The following KIF5C variants were observed in gnomAD, a reference collection of about 807,000 sequenced individuals.
The protein encoded by KIF5C is kinesin family member 5C.
Under a neutral mutation model 125.2 loss-of-function variants are expected in KIF5C, and 18 were observed. The observed-to-expected ratio is 0.14, with a 90% CI of 0.10 to 0.21. The LOEUF is 0.21. Ranked by LOEUF, KIF5C falls within the 10% of genes least tolerant of loss-of-function variation. The pLI, the probability that KIF5C is intolerant of heterozygous loss-of-function variation, is 1.00. For missense variants in KIF5C, 780 were observed against 1,183.8 expected, an observed-to-expected ratio of 0.66 and a Z score of 5.01; for synonymous variants, 405 against 434.0, an observed-to-expected ratio of 0.93 and a Z score of 0.83.
In KIF5C at chr2:149,007,980, C is replaced by T. The variant is rs779885153; in HGVS notation, c.2463C>T (p.Asn821=). 30 of 1,607,830 alleles carry T rather than the reference C, an allele frequency of 1.9e-5. No individual in the cohort carries two copies. Among genetic ancestry groups the T allele is most frequent in the Middle Eastern group, 1.7e-4 (1 of 6,034 alleles). Residue 821 remains asparagine, a synonymous_variant, in exon 23 of 26, where the codon AAC becomes AAT. Transcript: ENST00000435030. The part of the protein sequence containing the change: ...TRVKKSVELD[N]DDGGGSAAQK... Reference sequence around the variant, plus strand: ...CAATGCAGAGTGTGGAGTTGGACAACGATGATGGAGGGGGCAGTGCTGCCC... The same window carrying T: ...CAATGCAGAGTGTGGAGTTGGACAATGATGATGGAGGGGGCAGTGCTGCCC...
At chr2:148,927,911 T>A (rs1039423092) in intron 2 of KIF5C, among the ~76,000 whole-genome samples, 2 of 151,792 alleles carry the variant, frequency 1.3e-5, no homozygotes, top group Non-Finnish European at 2.9e-5. Flanking sequence ...TCCCTGTCCC[T>A]CCTCTCCCAC....
chr2:148,953,304 ATTACGT>A (rs1464715935), intron 10 of KIF5C, among the ~76,000 whole-genome samples: 2 of 152,236 alleles, frequency 1.3e-5, no homozygotes, highest in East Asian at 3.8e-4. Context: ...CATTGATGCC[ATTACGT>A]CCAGAAGTTT....
chr2:148,994,060 G>T (rs1377389485), intron 16 of KIF5C, among the ~76,000 whole-genome samples: 1 of 152,212 alleles, frequency 6.6e-6, no homozygotes, highest in Non-Finnish European at 1.5e-5. Flanking sequence ...AGAGGTGCAT[G>T]TTCAATGAAT....
chr2:149,018,716 G>A (rs1034807719), intron 25 of KIF5C, among the ~76,000 whole-genome samples: 1 of 152,110 alleles, frequency 6.6e-6, no homozygotes, highest in Non-Finnish European at 1.5e-5. Context: ...GCTTACGCCT[G>A]TAGTCCCAAC....
At chr2:148,948,887 G>C (rs1037222502) in intron 8 of KIF5C, among the ~76,000 whole-genome samples, 1 of 152,218 alleles carries the variant, frequency 6.6e-6, no homozygotes, top group Non-Finnish European at 1.5e-5. Context: ...ATTTCTCTAT[G>C]TGTAAGCAGG....
intron 11 of KIF5C, among the ~76,000 whole-genome samples, chr2:148,966,025 G>A (rs1217252088): frequency 6.6e-6 from 1 of 152,154 alleles, no homozygotes; most frequent in Non-Finnish European, 1.5e-5. Flanking sequence ...TGAGAGCTGG[G>A]CTTTTGAGAT....
chr2:148,887,694 TA>T (rs1021658475), intron 1 of KIF5C, among the ~76,000 whole-genome samples: 5 of 144,786 alleles, frequency 3.5e-5, no homozygotes, highest in African/African-American at 1.2e-4. Context: ...TTTTTTTTTT[TA>T]AATTCAACTT....
At chr2:148,926,724 C>G (rs528912258) in intron 2 of KIF5C, among the ~76,000 whole-genome samples, 1 of 152,180 alleles carries the variant, frequency 6.6e-6, no homozygotes, top group Non-Finnish European at 1.5e-5. Context: ...AAGAAGCCCC[C>G]AAAACCTGGA....
chr2:148,930,331 T>G (rs1224844487), intron 3 of KIF5C, among the ~76,000 whole-genome samples: 1 of 151,860 alleles, frequency 6.6e-6, no homozygotes, highest in Non-Finnish European at 1.5e-5. Context: ...TCTTTTCCTT[T>G]TTTTTTTTTC....
intron 1 of KIF5C, among the ~76,000 whole-genome samples, chr2:148,921,027 T>C (rs1681763049): frequency 6.6e-6 from 1 of 152,082 alleles, no homozygotes; most frequent in Non-Finnish European, 1.5e-5. Context: ...GCCTGGGCGG[T>C]GGTGGTAGAG....
rs1681512391 is a variant in KIF5C at position 148,991,110 on chromosome 2, A to G, written c.1817A>G (p.Lys606Arg). The G allele has an allele frequency of 1.2e-6, 2 of 1,613,990 alleles. No homozygotes were observed. The highest frequency in any genetic ancestry group is 1.7e-6 in the Non-Finnish European group (2 of 1,179,876). The part of the protein sequence containing the change: ...SEVKSLVNRS[K>R]QLESAQMDSN... ...GTCAAGTCCCTGGTGAACCGCAGCA[A>G]ACAGCTCGAGAGCGCCCAGATGGAC... Residue 606 changes from lysine (K) to arginine (R), a missense_variant, in exon 16 of 26, where the codon AAA (lysine) becomes AGA (arginine). Physicochemically the swap from Lys to Arg is conservative, Grantham distance 26. This residue lies in a region of KIF5C where 573 missense variants were observed against 742.6 expected (regional missense o/e 0.77). Coordinates refer to ENST00000435030, the MANE Select transcript of KIF5C (RefSeq NM_004522.3).
At chr2:148,982,913 A>G (rs1681275650) in intron 14 of KIF5C, among the ~76,000 whole-genome samples, 1 of 152,246 alleles carries the variant, frequency 6.6e-6, no homozygotes, top group East Asian at 1.9e-4. Flanking sequence ...TAACTGTTTT[A>G]CTGATGTTAA....
At chr2:148,921,580 C>T (rs1404519275) in intron 1 of KIF5C, among the ~76,000 whole-genome samples, 1 of 152,168 alleles carries the variant, frequency 6.6e-6, no homozygotes, top group African/African-American at 2.4e-5. Context: ...GCCTAGGATG[C>T]GCTTCTACAG....
chr2:148,976,768 A>G (rs1425455207), intron 12 of KIF5C, among the ~76,000 whole-genome samples: 1 of 151,068 alleles, frequency 6.6e-6, no homozygotes, highest in Non-Finnish European at 1.5e-5. Flanking sequence ...TTTTGTAGAG[A>G]CGGAGATTTG....
At chr2:148,960,137 A>G (rs933833915) in intron 10 of KIF5C, among the ~76,000 whole-genome samples, 1 of 152,232 alleles carries the variant, frequency 6.6e-6, no homozygotes, top group Non-Finnish European at 1.5e-5. Context: ...AATTGTTAAA[A>G]GTATTTTGAG....
intron 23 of KIF5C, among the ~76,000 whole-genome samples, chr2:149,008,592 G>A (rs1045555617): frequency 2.0e-5 from 3 of 152,172 alleles, no homozygotes; most frequent in Admixed American, 1.3e-4. Context: ...GGATGCCTGC[G>A]ATGTGCTGGC....
chr2:148,949,087 A>G (rs939997319), intron 8 of KIF5C, among the ~76,000 whole-genome samples: 2 of 152,182 alleles, frequency 1.3e-5, no homozygotes, highest in African/African-American at 2.4e-5. Context: ...TCGTTTGTCC[A>G]GTCAGCAGAG....
At chr2:148,887,289 G>A (rs1410013233) in intron 1 of KIF5C, among the ~76,000 whole-genome samples, 3 of 151,954 alleles carry the variant, frequency 2.0e-5, no homozygotes, top group South Asian at 2.1e-4. Flanking sequence ...AAAATTACAT[G>A]TGTGGCTCAC....
chr2:148,923,708 T>C (rs1262712060), intron 2 of KIF5C, among the ~76,000 whole-genome samples: 1 of 152,226 alleles, frequency 6.6e-6, no homozygotes, highest in African/African-American at 2.4e-5. Flanking sequence ...TACCACATGC[T>C]GTGCTAAACA....
Sources: gnomAD v4.1 joint callset for allele counts (sites outside exome capture counted in the v4.1 genomes callset) on GRCh38, gnomAD v4.1.1 for gene constraint, gnomAD v4.1.1 regional missense constraint, MANE v1.5 for transcripts, NCBI Gene and HGNC (gene_info 2026-07-23, HGNC 2026-07-21) for gene names.